OR2C1: variants seen among roughly 807,000 people sequenced by gnomAD.
OR2C1 encodes the protein olfactory receptor family 2 subfamily C member 1, also known as olfactory receptor 2C1.
For synonymous variants in OR2C1, 209 were observed against 167.3 expected (o/e 1.25, Z -1.92); for missense variants, 468 against 388.3 (o/e 1.21, Z -1.73).
chr16:3,340,699 T>C, the OR2C1 span, among the ~76,000 whole-genome samples: 1 of 152,212 alleles, frequency 6.6e-6, no homozygotes, highest in Admixed American at 6.5e-5. Flanking sequence ...TTGAAGAGAC[T>C]ATTCTTTCCC....
At chr16:3,327,465 A>G in the OR2C1 span, among the ~76,000 whole-genome samples, 61 of 152,188 alleles carry the variant, frequency 4.0e-4, no homozygotes, top group South Asian at 0.012. Flanking sequence ...TCCCTTCCCC[A>G]GAGGGTGACC....
At chr16:3,354,171 G>T (rs1010178319), upstream of OR2C1, among the ~76,000 whole-genome samples, 1 of 151,990 alleles carries the variant, frequency 6.6e-6, no homozygotes, top group Non-Finnish European at 1.5e-5. Context: ...TATTAGTAGA[G>T]ACGGGGTTTC....
the OR2C1 span, among the ~76,000 whole-genome samples, chr16:3,344,947 GTA>G: frequency 0.079 from 11,930 of 151,524 alleles, 653 homozygotes; most frequent in African/African-American, 0.15. Flanking sequence ...ATGTATGTGT[GTA>G]TATATATATG....
the OR2C1 span, among the ~76,000 whole-genome samples, chr16:3,342,523 G>C: frequency 6.6e-6 from 1 of 152,172 alleles, no homozygotes; most frequent in Non-Finnish European, 1.5e-5. Context: ...TTCGAGACCA[G>C]TCAGGCCAAC....
At chr16:3,355,849 T>C (rs2030657013), upstream of OR2C1, 1 of 891,834 alleles carries the variant, frequency 1.1e-6, no homozygotes, top group South Asian at 1.6e-5. Flanking sequence ...CCGTTCCTGA[T>C]GCAAATCCAC....
chr16:3,335,795 A>C, the OR2C1 span, among the ~76,000 whole-genome samples: 1 of 152,162 alleles, frequency 6.6e-6, no homozygotes, highest in Non-Finnish European at 1.5e-5. Flanking sequence ...GAACTTGCTT[A>C]TTAGTTCTAA....
chr16:3,345,300 T>C, the OR2C1 span, among the ~76,000 whole-genome samples: 34 of 152,006 alleles, frequency 2.2e-4, 1 homozygote, highest in East Asian at 3.7e-3. Context: ...CTGGCTAACA[T>C]GGTGAAACCC....
upstream of OR2C1, among the ~76,000 whole-genome samples, chr16:3,353,983 C>CTTTTTT (rs1001983184): frequency 1.4e-4 from 16 of 115,456 alleles, no homozygotes; most frequent in African/African-American, 4.6e-4. Context: ...CTTTTCTTTT[C>CTTTTTT]TTTTTTTTTT....
At chr16:3,358,022 T>C (rs1314800332), downstream of OR2C1, among the ~76,000 whole-genome samples, 2 of 152,018 alleles carry the variant, frequency 1.3e-5, no homozygotes, top group African/African-American at 4.8e-5. Flanking sequence ...AGTATATCTG[T>C]CCATACTTTC....
At chr16:3,332,413 G>T in the OR2C1 span, among the ~76,000 whole-genome samples, 361 of 152,034 alleles carry the variant, frequency 2.4e-3, 2 homozygotes, top group African/African-American at 8.2e-3. Flanking sequence ...ATAGATTATT[G>T]TTGACTATAG....
chr16:3,348,105 T>C, the OR2C1 span, among the ~76,000 whole-genome samples: 893 of 152,308 alleles, frequency 5.9e-3, 12 homozygotes, highest in African/African-American at 0.02. Context: ...AATTAAAACA[T>C]GCACAGACAC....
the OR2C1 span, among the ~76,000 whole-genome samples, chr16:3,333,217 T>TGTTTTTTTG: frequency 2.3e-4 from 6 of 26,470 alleles, no homozygotes; most frequent in African/African-American, 6.9e-4. Context: ...GCCCATTTTT[T>TGTTTTTTTG]TTTTTTTTTT....
chr16:3,339,861 A>C, the OR2C1 span, among the ~76,000 whole-genome samples: 1 of 152,210 alleles, frequency 6.6e-6, no homozygotes, highest in East Asian at 1.9e-4. Flanking sequence ...ATTGTGAAGT[A>C]GGATTTTATT....
the OR2C1 span, among the ~76,000 whole-genome samples, chr16:3,348,348 A>G: frequency 2.0e-5 from 3 of 152,204 alleles, no homozygotes; most frequent in Admixed American, 6.5e-5. Flanking sequence ...CTGATAGACA[A>G]TGAGATTATC....
In OR2C1 at chr16:3,356,875, GC is replaced by G. The variant is rs1341705804; in HGVS notation, c.936del (p.Ter313GlufsTer40). 2 of 1,580,550 alleles carry G rather than the reference GC, an allele frequency of 1.3e-6. No individual in the cohort carries two copies. The highest frequency in any genetic ancestry group is 1.7e-6 in the Non-Finnish European group (2 of 1,162,250). On this transcript the variant is annotated frameshift_variant, in exon 1 of 1. Transcript: ENST00000304936. LOFTEE classifies it high-confidence loss of function. Reference sequence around the variant, plus strand: ...TTGCTGGGGAAAGGAAGAGAAGTTGGCTGAGAGAACACTCCTTCGTTATTTA... The same window carrying G: ...TTGCTGGGGAAAGGAAGAGAAGTTGGTGAGAGAACACTCCTTCGTTATTTA... ...RRLLGKGREVG is the reference protein window; with the variant it reads ...RRLLGKGREVX
At chr16:3,326,842 T>A in the OR2C1 span, among the ~76,000 whole-genome samples, 1 of 152,176 alleles carries the variant, frequency 6.6e-6, no homozygotes, top group Non-Finnish European at 1.5e-5. Flanking sequence ...AGCCTTAGGA[T>A]GAAATCAGCA....
the OR2C1 span, among the ~76,000 whole-genome samples, chr16:3,328,346 A>G: frequency 1.3e-5 from 2 of 152,208 alleles, no homozygotes; most frequent in African/African-American, 4.8e-5. Context: ...GTCTCAAATC[A>G]ACACTTAAAT....
the OR2C1 span, among the ~76,000 whole-genome samples, chr16:3,329,245 A>C: frequency 6.6e-6 from 1 of 150,998 alleles, no homozygotes; most frequent in African/African-American, 2.4e-5. Flanking sequence ...GAAGAAATGG[A>C]AACATTCTGC....
the OR2C1 span, among the ~76,000 whole-genome samples, chr16:3,341,816 G>A: frequency 7.9e-5 from 12 of 152,104 alleles, no homozygotes; most frequent in African/African-American, 2.2e-4. Context: ...ATGTAGGCGC[G>A]ATTGATTATT....
Sources: gnomAD v4.1 joint callset for allele counts (sites outside exome capture counted in the v4.1 genomes callset) on GRCh38, gnomAD v4.1.1 for gene constraint, MANE v1.5 for transcripts, NCBI Gene and HGNC (gene_info 2026-07-23, HGNC 2026-07-21) for gene names.